PRKCH: variants seen among roughly 807,000 people sequenced by gnomAD.
PRKCH encodes protein kinase C eta.
In PRKCH, 28 loss-of-function variants were observed where a neutral mutation model predicts 82.5. The ratio of observed to expected loss-of-function variants is 0.34; its 90% CI spans 0.25 to 0.47. The LOEUF (loss-of-function observed/expected upper bound fraction) is 0.47, where lower values mean the gene tolerates loss of function less well. Among genes scored for constraint, PRKCH ranks in the 20% least tolerant of loss-of-function variants. The probability of loss-of-function intolerance (pLI) is 1.00; values close to 1 mark genes in which losing one functional copy is unlikely to be tolerated. For missense variants in PRKCH, 705 were observed against 881.8 expected (o/e 0.80, Z 2.54); for synonymous variants, 322 against 327.4 (o/e 0.98, Z 0.18).
At chr14:61,445,651 C>T (rs1555388056) in intron 3 of PRKCH, 41 bp from the exon 4 acceptor site, 1 of 1,570,920 alleles carries the variant, frequency 6.4e-7, no homozygotes, top group Non-Finnish European at 8.8e-7. Context: ...AGGGTTATTG[C>T]TGAAATACTT....
At chr14:61,191,852 T>C (rs192047513) in intron 1 of PRKCH, among the ~76,000 whole-genome samples, 1 of 152,294 alleles carries the variant, frequency 6.6e-6, no homozygotes, top group Admixed American at 6.5e-5. Flanking sequence ...AATCCCCAAA[T>C]AAACTTTTTC....
chr14:61,253,030 TTTTAC>T (rs1382239760), intron 1 of PRKCH, among the ~76,000 whole-genome samples: 1 of 152,158 alleles, frequency 6.6e-6, no homozygotes, highest in Non-Finnish European at 1.5e-5. Flanking sequence ...AAGAAACAGT[TTTTAC>T]AGTGGTGCTT....
rs1425451471 is a variant in PRKCH at position 61,415,293 on chromosome 14, T to C, written c.427+24005T>C. ...CATGGTGATATGTGAGGGTATAAAG[T>C]GAGGCAAAGAAAAGGCAAAAAGATG... On this transcript the variant is annotated intron_variant, in intron 2 of 13. Transcript: ENST00000332981. Among the ~76,000 whole-genome samples, 3 of 152,294 alleles carry C rather than the reference T, an allele frequency of 2.0e-5. No homozygotes were observed. The East Asian group carries it at 5.8e-4, about 29-fold the overall frequency.
At chr14:61,267,135 A>T (rs999139786) in intron 1 of PRKCH, among the ~76,000 whole-genome samples, 5 of 152,234 alleles carry the variant, frequency 3.3e-5, no homozygotes, top group Admixed American at 3.3e-4. Context: ...ATAATGGAAG[A>T]CATCTTTTCC....
rs140992852 is a variant in PRKCH, at chr14:61,452,776, G to A, written c.833-450G>A. The A allele has an allele frequency of 3.6e-3, 650 of 182,244 alleles. 2 individuals are homozygous for A. Among genetic ancestry groups the A allele is most frequent in the Non-Finnish European group, 5.3e-3 (460 of 86,524 alleles). The allele number at this position is 182,244 out of a possible 1,614,324, so 11.3% of individuals were successfully genotyped here. On this transcript the variant is annotated intron_variant, in intron 6 of 13. Coordinates refer to ENST00000332981, the MANE Select transcript of PRKCH (RefSeq NM_006255.5). ...CTTGTAGAAACACCATTTCCATCCT[G>A]TTTGAACAGTGATCTACATGTGGCA...
At chr14:61,309,633 A>C (rs1447859968) in intron 1 of PRKCH, among the ~76,000 whole-genome samples, 1 of 152,308 alleles carries the variant, frequency 6.6e-6, no homozygotes, top group East Asian at 1.9e-4. Context: ...ACTTGAGAGA[A>C]GAAAAATCAC....
At chr14:61,261,334 G>T (rs1238813916) in intron 1 of PRKCH, among the ~76,000 whole-genome samples, 1 of 152,240 alleles carries the variant, frequency 6.6e-6, no homozygotes, top group Non-Finnish European at 1.5e-5. Flanking sequence ...TGCGCTGTAT[G>T]AGAAACAGAT....
At chr14:61,240,339 A>G (rs2140065626) in intron 1 of PRKCH, among the ~76,000 whole-genome samples, 1 of 152,298 alleles carries the variant, frequency 6.6e-6, no homozygotes, top group East Asian at 1.9e-4. Flanking sequence ...TGATTTGCAC[A>G]GGGCTCAGGG....
chr14:61,329,254 T>TTTTTTG (rs1555375988), intron 1 of PRKCH, among the ~76,000 whole-genome samples: 1,441 of 122,380 alleles, frequency 0.012, 81 homozygotes, highest in African/African-American at 0.041. Context: ...TTTTTTTTTT[T>TTTTTTG]GAGACAGAAT....
intron 12 of PRKCH, 102 bp downstream of exon 12, chr14:61,530,697 T>C: frequency 9.1e-7 from 1 of 1,095,162 alleles, no homozygotes; most frequent in South Asian, 1.9e-5. Flanking sequence ...AACCACTAGC[T>C]CTAACTAAAA....
intron 2 of PRKCH, among the ~76,000 whole-genome samples, chr14:61,413,742 C>T (rs1882410535): frequency 6.6e-6 from 1 of 151,986 alleles, no homozygotes; most frequent in Admixed American, 6.5e-5. Context: ...TTTTTTCATC[C>T]GGATATGTTG....
At chr14:61,201,604 A>G (rs141224697) in intron 1 of PRKCH, among the ~76,000 whole-genome samples, 71 of 152,336 alleles carry the variant, frequency 4.7e-4, no homozygotes, top group African/African-American at 1.6e-3. Flanking sequence ...AGGGGAACAA[A>G]AGGAAAAGAA....
chr14:61,246,260 A>AAAAT (rs200872199), intron 1 of PRKCH, among the ~76,000 whole-genome samples: 3 of 150,392 alleles, frequency 2.0e-5, no homozygotes, highest in Admixed American at 6.6e-5. Context: ...AAAAAAAAAA[A>AAAAT]AGCCAGGTGT....
chr14:61,231,883 C>T (rs1254967699), intron 1 of PRKCH, among the ~76,000 whole-genome samples: 1 of 152,154 alleles, frequency 6.6e-6, no homozygotes, highest in East Asian at 1.9e-4. Flanking sequence ...CACACAGTCA[C>T]ACAACACTGC....
intron 1 of PRKCH, among the ~76,000 whole-genome samples, chr14:61,247,425 G>A (rs1396895273): frequency 6.6e-6 from 1 of 151,936 alleles, no homozygotes; most frequent in African/African-American, 2.4e-5. Context: ...AATGATGTTT[G>A]GTAGAATGAA....
rs1375539597 is a variant in PRKCH at position 61,463,550 on chromosome 14, G to A, written c.1278+5871G>A. 3.3e-5 allele frequency among the ~76,000 whole-genome samples: 5 copies of A among 152,026 alleles called. No individual in the cohort carries two copies. The East Asian group carries it at 9.6e-4, about 29-fold the overall frequency. On this transcript the variant is annotated intron_variant, in intron 9 of 13. Transcript: ENST00000332981. The stretch of plus-strand genomic sequence containing the variant: ...ATCCTTATCTGTTTCTGATAGCACT[G>A]CAAATCCTAATAGTTTGTGACTAAT...
intron 10 of PRKCH, among the ~76,000 whole-genome samples, chr14:61,514,639 G>A (rs796946389): frequency 6.6e-6 from 1 of 152,076 alleles, no homozygotes; most frequent in African/African-American, 2.4e-5. Flanking sequence ...TCCTCACTGC[G>A]GTCTCCTGGG....
chr14:61,356,631 G>A (rs945419700), intron 1 of PRKCH, among the ~76,000 whole-genome samples: 19 of 152,252 alleles, frequency 1.2e-4, no homozygotes, highest in African/African-American at 4.3e-4. Context: ...GTTGTCTTGG[G>A]AGATCTTGGG....
At position 61,269,200 on chromosome 14, in the gene PRKCH, T is replaced by C. The variant is rs562994434; in HGVS notation, c.-19+81532T>C. Among the ~76,000 whole-genome samples, 359 of 152,246 alleles carry C rather than the reference T, an allele frequency of 2.4e-3. 1 individual carries two copies. Among genetic ancestry groups the C allele is most frequent in the Non-Finnish European group, 3.4e-3 (229 of 68,016 alleles). ...AGTTTTTTTAGAGAAAAAAGAAATTTGTAGTAACCACTAGAATCATATTGC... is the reference window on the plus strand; with the variant it reads ...AGTTTTTTTAGAGAAAAAAGAAATTCGTAGTAACCACTAGAATCATATTGC... On this transcript the variant is annotated intron_variant, in intron 1 of 3. Coordinates refer to the PRKCH transcript ENST00000555185.
Sources: gnomAD v4.1 joint callset for allele counts (sites outside exome capture counted in the v4.1 genomes callset) on GRCh38, gnomAD v4.1.1 for gene constraint, MANE v1.5 for transcripts, NCBI Gene and HGNC (gene_info 2026-07-23, HGNC 2026-07-21) for gene names.